The following GNG2 variants were observed in gnomAD, a reference collection of about 807,000 sequenced individuals.
GNG2 encodes G protein subunit gamma 2, also known as guanine nucleotide-binding protein G(I)/G(S)/G(O) subunit gamma-2.
GNG2 carries 5 observed loss-of-function variants against 5.5 expected under a neutral mutation model. The observed-to-expected ratio is 0.91, with a 90% CI of 0.48 to 1.92. GNG2 has a LOEUF of 1.92. Among genes scored for constraint, GNG2 ranks in the 30% most tolerant of loss-of-function variants. GNG2 has a pLI of 0.01. For synonymous variants in GNG2, 28 were observed against 32.0 expected (o/e 0.88, Z 0.42); for missense variants, 55 against 88.4 (o/e 0.62, Z 1.52).
intron 2 of GNG2, among the ~76,000 whole-genome samples, chr14:51,834,796 GC>G (rs1881288533): frequency 6.6e-6 from 1 of 152,200 alleles, no homozygotes; most frequent in African/African-American, 2.4e-5. Flanking sequence ...TTAATAGAAT[GC>G]AAATATTCTG....
chr14:51,863,169 A>G (rs760354717), intron 1 of GNG2, among the ~76,000 whole-genome samples: 3 of 152,206 alleles, frequency 2.0e-5, no homozygotes, highest in Admixed American at 6.5e-5. Flanking sequence ...GTCAAAGTAG[A>G]AAGCCTGTTC....
At chr14:51,927,780 G>C (rs1348222430) in intron 2 of GNG2, among the ~76,000 whole-genome samples, 1 of 152,176 alleles carries the variant, frequency 6.6e-6, no homozygotes, top group African/African-American at 2.4e-5. Flanking sequence ...GATTAAATAA[G>C]GCTACCTAGA....
chr14:51,879,380 C>T (rs955306583), intron 2 of GNG2, among the ~76,000 whole-genome samples: 3 of 152,098 alleles, frequency 2.0e-5, no homozygotes, highest in Non-Finnish European at 2.9e-5. Flanking sequence ...AGGTAATGGT[C>T]AAATATTGAG....
chr14:51,848,998 C>T (rs181443845), intron 2 of GNG2, among the ~76,000 whole-genome samples: 8 of 152,262 alleles, frequency 5.3e-5, no homozygotes, highest in African/African-American at 7.2e-5. Context: ...CCCAAAACAG[C>T]GGTTTCATAC....
rs905930482 is a variant in GNG2, at chr14:51,968,873, C to T, written c.*2186C>T. 10 of 152,194 alleles carry T rather than the reference C, an allele frequency of 6.6e-5. No individual in the cohort carries two copies. The highest frequency in any genetic ancestry group is 2.6e-4 in the Admixed American group (4 of 15,292). 9.4% of individuals were successfully genotyped at this position (152,194 alleles called of 1,614,324 possible). A position where few individuals can be genotyped will look rare whatever the true frequency, so the allele number is the denominator to read the frequency against. On this transcript the variant is annotated 3_prime_UTR_variant, in exon 4 of 4. Coordinates refer to ENST00000556766, the MANE Select transcript of GNG2 (RefSeq NM_053064.5). ...ACAGCATTTCCTTTTCTCAGAAGGACTCTTTATATTTCCATGTAAATCTAG... is the reference window on the plus strand; with the variant it reads ...ACAGCATTTCCTTTTCTCAGAAGGATTCTTTATATTTCCATGTAAATCTAG...
chr14:51,953,880 C>T (rs1889124903), intron 3 of GNG2, among the ~76,000 whole-genome samples: 1 of 152,116 alleles, frequency 6.6e-6, no homozygotes, highest in African/African-American at 2.4e-5. Flanking sequence ...TGTGATTTTC[C>T]AGTGAGAGTA....
chr14:51,931,611 A>G lies in GNG2; in HGVS notation c.-29-19039A>G, dbSNP rs1400885186. Among the ~76,000 whole-genome samples, 7 of 152,198 alleles carry G rather than the reference A, an allele frequency of 4.6e-5. No homozygotes were observed. The East Asian group carries it at 1.3e-3, about 29-fold the overall frequency. ...GCAAACACTCTGAGACCTGGGGATC[A>G]GGGAGATGAATCAAACCAAGAAGAG... On this transcript the variant is annotated intron_variant, in intron 2 of 3. Transcript: ENST00000556766.
chr14:51,956,547 G>A (rs1889281848), intron 3 of GNG2, among the ~76,000 whole-genome samples: 1 of 152,150 alleles, frequency 6.6e-6, no homozygotes, highest in Non-Finnish European at 1.5e-5. Context: ...AGATTAGGAG[G>A]AAACAGTTGG....
At chr14:51,928,246 G>A (rs1209399346) in intron 2 of GNG2, among the ~76,000 whole-genome samples, 2 of 151,854 alleles carry the variant, frequency 1.3e-5, no homozygotes, top group Non-Finnish European at 2.9e-5. Context: ...TGGCCAAGCT[G>A]GTCTCGAACT....
intron 1 of GNG2, among the ~76,000 whole-genome samples, chr14:51,875,850 A>C (rs115627644): frequency 0.026 from 3,876 of 151,602 alleles, 177 homozygotes; most frequent in African/African-American, 0.089. Flanking sequence ...CCTTATTTTA[A>C]GTTACTTTTT....
chr14:51,951,467 A>G (rs957229673), intron 3 of GNG2, among the ~76,000 whole-genome samples: 1 of 152,208 alleles, frequency 6.6e-6, no homozygotes, highest in African/African-American at 2.4e-5. Flanking sequence ...ATAGATAGCT[A>G]TGGCACGGTG....
At chr14:51,928,450 A>G (rs1229419795) in intron 2 of GNG2, among the ~76,000 whole-genome samples, 1 of 152,168 alleles carries the variant, frequency 6.6e-6, no homozygotes, top group Non-Finnish European at 1.5e-5. Flanking sequence ...TCCTATAAAC[A>G]TTTTCATTTA....
At chr14:51,923,510 T>C (rs1442712734) in intron 2 of GNG2, among the ~76,000 whole-genome samples, 1 of 150,060 alleles carries the variant, frequency 6.7e-6, no homozygotes, top group East Asian at 2.0e-4. Context: ...TGTGTGTGTA[T>C]GTGTATATAT....
chr14:51,892,304 T>A lies in GNG2; in HGVS notation c.-30+14647T>A, dbSNP rs145491583. Among the ~76,000 whole-genome samples, 241 of 152,018 alleles carry A rather than the reference T, an allele frequency of 1.6e-3. 2 individuals carry two copies. Among genetic ancestry groups the A allele is most frequent in the African/African-American group, 5.4e-3 (223 of 41,558 alleles). On this transcript the variant is annotated intron_variant, in intron 2 of 3. Coordinates refer to ENST00000556766, the MANE Select transcript of GNG2 (RefSeq NM_053064.5). ...GCCTGAGAGTCTTTTTTCTTTCTTT[T>A]ATTTATTTTATTTTATTTTTTTTTT... is the stretch of plus-strand genomic sequence containing the variant.
intron 2 of GNG2, among the ~76,000 whole-genome samples, chr14:51,922,138 T>G (rs1693193): frequency 6.6e-6 from 1 of 152,300 alleles, no homozygotes; most frequent in South Asian, 2.1e-4. Flanking sequence ...TTCTGACAGC[T>G]AAAACTCTGA....
intron 2 of GNG2, among the ~76,000 whole-genome samples, chr14:51,928,155 C>T (rs1046720091): frequency 6.6e-6 from 1 of 150,870 alleles, no homozygotes; most frequent in Non-Finnish European, 1.5e-5. Flanking sequence ...CTCAGCCTCT[C>T]AATAGCTGGG....
At chr14:51,902,767 A>T (rs1357586655) in intron 2 of GNG2, among the ~76,000 whole-genome samples, 2 of 152,150 alleles carry the variant, frequency 1.3e-5, no homozygotes, top group African/African-American at 4.8e-5. Context: ...GCACAACTGT[A>T]GTCTCAGCTA....
At chr14:51,958,333 G>C (rs892817117) in intron 3 of GNG2, among the ~76,000 whole-genome samples, 1 of 150,982 alleles carries the variant, frequency 6.6e-6, no homozygotes, top group African/African-American at 2.4e-5. Context: ...CCAAGATCTA[G>C]ATGCCAAATG....
At chr14:51,900,160 C>T (rs1885456694) in intron 2 of GNG2, among the ~76,000 whole-genome samples, 2 of 152,136 alleles carry the variant, frequency 1.3e-5, no homozygotes, top group Non-Finnish European at 1.5e-5. Context: ...TCTCCATATC[C>T]TCACCAGTAC....
Sources: gnomAD v4.1 joint callset for allele counts (sites outside exome capture counted in the v4.1 genomes callset) on GRCh38, gnomAD v4.1.1 for gene constraint, MANE v1.5 for transcripts, NCBI Gene and HGNC (gene_info 2026-07-23, HGNC 2026-07-21) for gene names.